PROS1: variants seen among roughly 807,000 people sequenced by gnomAD.
PROS1 encodes the protein protein S, also known as vitamin K-dependent protein S.
In PROS1, 29 loss-of-function variants were observed where a neutral mutation model predicts 75.9. The observed-to-expected ratio is 0.38, with a 90% confidence interval of 0.28 to 0.52. PROS1 has a LOEUF of 0.52. Among genes scored for constraint, PROS1 ranks in the 20% least tolerant of loss-of-function variants. The pLI, the probability that PROS1 is intolerant of heterozygous loss-of-function variation, is 0.83. For synonymous variants in PROS1, 245 were observed against 280.6 expected, an observed-to-expected ratio of 0.87 and a Z score of 1.27; for missense variants, 680 against 810.3, an observed-to-expected ratio of 0.84 and a Z score of 1.95.
At chr3:93,955,987 A>C (rs1709592128) in intron 1 of PROS1, among the ~76,000 whole-genome samples, 1 of 152,212 alleles carries the variant, frequency 6.6e-6, no homozygotes, top group South Asian at 2.1e-4. Flanking sequence ...ATATAACAGA[A>C]GATTTAAAAA....
At chr3:93,904,563 A>G (rs1398700410) in intron 6 of PROS1, among the ~76,000 whole-genome samples, 1 of 152,220 alleles carries the variant, frequency 6.6e-6, no homozygotes, top group Non-Finnish European at 1.5e-5. Flanking sequence ...TTACCAAAAT[A>G]TATATAAAAT....
intron 7 of PROS1, among the ~76,000 whole-genome samples, chr3:93,900,403 A>G (rs1708573840): frequency 6.6e-6 from 1 of 152,214 alleles, no homozygotes; most frequent in Admixed American, 6.5e-5. Context: ...TAAAAACTAA[A>G]GTTTTAACCA....
chr3:93,947,199 A>G (rs554644195), intron 1 of PROS1, among the ~76,000 whole-genome samples: 2 of 152,216 alleles, frequency 1.3e-5, no homozygotes, highest in Non-Finnish European at 2.9e-5. Flanking sequence ...AGAAATAGGA[A>G]GGAACACTTT....
At chr3:93,972,674 A>G (rs1296702450) in intron 1 of PROS1, among the ~76,000 whole-genome samples, 1 of 147,308 alleles carries the variant, frequency 6.8e-6, no homozygotes, top group East Asian at 2.0e-4. Flanking sequence ...CCCCGTCTCT[A>G]GTAAAAATAC....
At chr3:93,906,229 C>A (rs1230817687) in intron 4 of PROS1, 86 bp from the exon 5 acceptor site, 4 of 1,443,724 alleles carry the variant, frequency 2.8e-6, no homozygotes, top group African/African-American at 2.9e-5. Context: ...AATCCTGAAG[C>A]CTAGAACCAA....
chr3:93,909,527 G>A (rs1481351966), intron 4 of PROS1, among the ~76,000 whole-genome samples: 2 of 150,308 alleles, frequency 1.3e-5, no homozygotes, highest in Non-Finnish European at 1.5e-5. Context: ...TTATCAATAT[G>A]GCAAATGACA....
chr3:93,899,065 C>G (rs1708545624), intron 7 of PROS1, among the ~76,000 whole-genome samples: 2 of 151,398 alleles, frequency 1.3e-5, no homozygotes, highest in African/African-American at 2.4e-5. Context: ...TTGATACAAT[C>G]AGGAATTAAA....
rs1395948009 is a variant in PROS1 at position 93,906,098 on chromosome 3, T to G, written c.392A>C (p.Tyr131Ser). Residue 131 changes from tyrosine to serine, a missense_variant, in exon 5 of 15, where the codon TAT becomes TCT. Coordinates refer to ENST00000394236, the MANE Select transcript of PROS1 (RefSeq NM_000313.4). Reference protein sequence around the residue: ...CSPLPCNEDGYMSCKDGKASF... With the variant: ...CSPLPCNEDGSMSCKDGKASF... ...AGCTTTTCCATCTTTGCAGCTCATA[T>G]ATCCATCTTCATTGCATGGCAGAGG... is the stretch of plus-strand genomic sequence containing the variant. The G allele has an allele frequency of 8.7e-6, 14 of 1,613,966 alleles. No homozygotes were observed. The highest frequency in any genetic ancestry group is 1.7e-5 in the Admixed American group (1 of 60,004).
intron 1 of PROS1, among the ~76,000 whole-genome samples, chr3:93,945,577 G>C (rs1033030857): frequency 6.6e-6 from 1 of 152,148 alleles, no homozygotes; most frequent in Non-Finnish European, 1.5e-5. Context: ...TATCTCAATA[G>C]ATGCAGAAAA....
chr3:93,928,540 A>C (rs1398149917), intron 1 of PROS1, among the ~76,000 whole-genome samples: 1 of 151,536 alleles, frequency 6.6e-6, no homozygotes, highest in Non-Finnish European at 1.5e-5. Context: ...TCTCAAAAAA[A>C]AAAAAAAAAA....
At chr3:93,887,637 A>G (rs1256382858) in intron 10 of PROS1, among the ~76,000 whole-genome samples, 2 of 152,244 alleles carry the variant, frequency 1.3e-5, no homozygotes, top group African/African-American at 4.8e-5. Context: ...TAATATAGCC[A>G]ATTAGCAGCA....
intron 2 of PROS1, among the ~76,000 whole-genome samples, chr3:93,925,682 G>C (rs1463846847): frequency 6.6e-6 from 1 of 151,846 alleles, no homozygotes; most frequent in South Asian, 2.1e-4. Flanking sequence ...AAATTAGCCA[G>C]GTGTGGGGCT....
chr3:93,917,665 C>T (rs915611297), intron 3 of PROS1, among the ~76,000 whole-genome samples: 6 of 152,006 alleles, frequency 3.9e-5, no homozygotes, highest in African/African-American at 9.7e-5. Context: ...GTGGGCTTGG[C>T]GGGCCGGCAC....
At chr3:93,924,184 A>G in intron 3 of PROS1, 56 bp downstream of exon 3, 11 of 1,178,768 alleles carry the variant, frequency 9.3e-6, no homozygotes, top group Non-Finnish European at 1.3e-5. Flanking sequence ...AGACAGGAAC[A>G]TATCTAAGTT....
intron 1 of PROS1, chr3:93,968,071 G>C (rs1247153337): frequency 6.6e-6 from 1 of 152,002 alleles, no homozygotes. Context: ...CACAGATCCA[G>C]AATAAAGGGA....
At chr3:93,919,650 T>C (rs1434322840) in intron 3 of PROS1, among the ~76,000 whole-genome samples, 13 of 152,186 alleles carry the variant, frequency 8.5e-5, no homozygotes, top group Admixed American at 7.9e-4. Context: ...CTTGTGAATT[T>C]AAAATTTTCC....
chr3:93,908,407 G>T (rs573226997), intron 4 of PROS1, among the ~76,000 whole-genome samples: 54 of 152,264 alleles, frequency 3.5e-4, no homozygotes, highest in African/African-American at 1.3e-3. Flanking sequence ...GGTCTCCCTG[G>T]GTTGAGAAAA....
At chr3:93,907,902 C>A (rs1356103579) in intron 4 of PROS1, among the ~76,000 whole-genome samples, 1 of 152,156 alleles carries the variant, frequency 6.6e-6, no homozygotes, top group Non-Finnish European at 1.5e-5. Flanking sequence ...TGGCTCACAC[C>A]TGTAATCCCA....
intron 1 of PROS1, among the ~76,000 whole-genome samples, chr3:93,930,593 T>A (rs1488329107): frequency 6.6e-6 from 1 of 152,202 alleles, no homozygotes; most frequent in African/African-American, 2.4e-5. Context: ...TCTTTCCCCG[T>A]ATGGGCCCCA....
Sources: allele counts gnomAD v4.1 joint callset (sites outside exome capture counted in the v4.1 genomes callset), GRCh38; gene constraint gnomAD v4.1.1; transcripts MANE v1.5; gene names NCBI Gene and HGNC (gene_info 2026-07-23, HGNC 2026-07-21).